Variants in CD163 observed in about 807,000 individuals in gnomAD.
CD163 encodes CD163 molecule, also known as scavenger receptor cysteine-rich type 1 protein M130.
CD163 carries 64 observed loss-of-function variants against 129.2 expected under a neutral mutation model. The observed-to-expected ratio is 0.50, with a 90% CI of 0.41 to 0.61. The LOEUF (loss-of-function observed/expected upper bound fraction) is 0.61, where lower values mean the gene tolerates loss of function less well. Ranked by LOEUF, CD163 falls within the 20% of genes least tolerant of loss-of-function variation. CD163 has a pLI of 0.00. For synonymous variants in CD163, 446 were observed against 478.5 expected (o/e 0.93, Z 0.89); for missense variants, 1,061 against 1,377.9 (o/e 0.77, Z 3.64).
At position 7,498,146 on chromosome 12, in the gene CD163, C is replaced by CACACACACACAG. The variant is rs537347284; in HGVS notation, c.778+721_778+722insCTGTGTGTGTGT. Among the ~76,000 whole-genome samples the CACACACACACAG allele has an allele frequency of 9.2e-3, 1,373 of 148,892 alleles. 20 individuals carry two copies. The highest frequency in any genetic ancestry group is 0.031 in the African/African-American group (1,263 of 40,544). On this transcript the variant is annotated intron_variant, in intron 4 of 16. Coordinates refer to ENST00000432237, the MANE Select transcript of CD163 (RefSeq NM_203416.4). The stretch of plus-strand genomic sequence containing the variant: ...ATTTACACACACACACACACACACA[C>CACACACACACAG]AGAGAGAGAGAGAGAGAGAGAGAAA...
chr12:7,479,618 C>T lies in CD163; in HGVS notation c.*31+242G>A, dbSNP rs914560564. ...AAAGATTAATTTGTATTTGTTTACT[C>T]AGTTTCTCCTTAGCTCCATGGATGT... On this transcript the variant is annotated intron_variant, in intron 16 of 16. Transcript: ENST00000432237. Among the ~76,000 whole-genome samples the T allele has an allele frequency of 8.5e-5, 13 of 152,190 alleles. No individual in the cohort carries two copies. In the South Asian group the frequency reaches 2.5e-3, roughly 29 times the overall value.
Position 7,474,316 on chromosome 12 carries a change from C to A in CD163, c.*32-2919G>T, listed in dbSNP as rs140711625. On this transcript the variant is annotated intron_variant, in intron 16 of 16. Coordinates refer to ENST00000432237, the MANE Select transcript of CD163 (RefSeq NM_203416.4). The stretch of plus-strand genomic sequence containing the variant: ...CACATAGCACTTATTCTAAAATGGA[C>A]CTCATAATTGGAAATAAAACACTCC... Among the ~76,000 whole-genome samples, 51 of 152,210 alleles carry A rather than the reference C, an allele frequency of 3.4e-4. No homozygotes were observed. In the East Asian group the frequency reaches 7.9e-3, roughly 24 times the overall value.
intron 11 of CD163, among the ~76,000 whole-genome samples, 196 bp from the exon 12 acceptor site, chr12:7,483,871 C>T (rs1233487871): frequency 1.4e-4 from 17 of 122,256 alleles, no homozygotes; most frequent in East Asian, 2.5e-4. Context: ...GACAGAGTCT[C>T]GCTCTGTCAC....
chr12:7,503,080 C>T lies in CD163; in HGVS notation c.47-516G>A, dbSNP rs1330787239. On this transcript the variant is annotated intron_variant, in intron 1 of 16. Transcript: ENST00000432237. Reference sequence around the variant, plus strand: ...TGGCTTGATGCTTGCCAAATAGTAGCTAGCAGAACAATACCTAAGTGATGA... The same window carrying T: ...TGGCTTGATGCTTGCCAAATAGTAGTTAGCAGAACAATACCTAAGTGATGA... Among the ~76,000 whole-genome samples the T allele has an allele frequency of 2.6e-5, 4 of 152,122 alleles. 1 individual carries two copies. Among genetic ancestry groups the T allele is most frequent in the African/African-American group, 2.4e-5 (1 of 41,422 alleles).
chr12:7,499,057 A>G lies in CD163; in HGVS notation c.589T>C (p.Cys197Arg). ...NFNIDHASVI[C>R]RQLECGSAVS... ...GCACTTCCACATTCAAGTTGTCTAC[A>G]AATGACAGATGCATGATCTATGTTG... The change falls in exon 4 of 17, where the codon TGT (cysteine) becomes CGT (arginine). Residue 197 changes from cysteine (C) to arginine (R), a missense_variant. Cys to Arg is a radical substitution (Grantham distance 180, BLOSUM62 -3). Coordinates refer to ENST00000432237, the MANE Select transcript of CD163 (RefSeq NM_203416.4). 6.2e-7 allele frequency: 1 copy of G among 1,614,192 alleles called. No homozygotes were observed. The highest frequency in any genetic ancestry group is 8.5e-7 in the Non-Finnish European group (1 of 1,180,026).
In CD163 at chr12:7,498,882, C is replaced by T; in HGVS notation, c.764G>A (p.Gly255Glu). Residue 255 changes from glycine (G) to glutamate (E), a missense_variant, in exon 4 of 17, where the codon GGA becomes GAA. By Grantham distance (98) the Gly-to-Glu change is moderately conservative. Transcript: ENST00000432237. ...TCAGTCCTTACTTGAGCAAATCACT[C>T]CAGCATCCTCAGCATGATCACAGTT... ...KHNCDHAEDA[G>E]VICSKGADLS... 1 of 1,613,710 alleles carries T rather than the reference C, an allele frequency of 6.2e-7. No homozygotes were observed.
intron 4 of CD163, 24 bp downstream of exon 4, chr12:7,498,844 G>T: frequency 6.3e-7 from 1 of 1,598,796 alleles, no homozygotes; most frequent in East Asian, 2.2e-5. Context: ...CTGGAGAATA[G>T]AATGAGCCAA....
chr12:7,490,676 A>G (rs1397089235), intron 6 of CD163, among the ~76,000 whole-genome samples: 1 of 151,994 alleles, frequency 6.6e-6, no homozygotes, highest in Non-Finnish European at 1.5e-5. Flanking sequence ...TTCATCTCTC[A>G]TAAACCTTTC....
intron 6 of CD163, among the ~76,000 whole-genome samples, chr12:7,491,225 C>T (rs1390933649): frequency 6.6e-6 from 1 of 152,070 alleles, no homozygotes; most frequent in African/African-American, 2.4e-5. Context: ...TAAGTATCCT[C>T]TTGTTTTCTT....
rs1397676177 is a variant in CD163 at position 7,483,602 on chromosome 12, C to G, written c.2853G>C (p.Gly951=). The G allele has an allele frequency of 1.9e-6, 3 of 1,613,100 alleles. No individual in the cohort carries two copies. The highest frequency in any genetic ancestry group is 1.3e-5 in the African/African-American group (1 of 74,672). ...AGTCCCAAGAGTCATCACACACTGT[C>G]CCCCAGGAACCTCCATGCCAGATCT... The part of the protein sequence containing the change: ...RVEIWHGGSW[G]TVCDDSWDLD... Residue 951 remains glycine (G), a synonymous_variant, in exon 12 of 17, where the codon GGG becomes GGC. Transcript: ENST00000432237.
At chr12:7,486,863 A>G in intron 9 of CD163, 31 bp downstream of exon 9, 1 of 1,606,624 alleles carries the variant, frequency 6.2e-7, no homozygotes, top group Non-Finnish European at 8.5e-7. Flanking sequence ...CTTGTTATTA[A>G]TATTTTCATA....
chr12:7,490,444 A>G (rs1160619541), intron 6 of CD163, among the ~76,000 whole-genome samples: 1 of 152,058 alleles, frequency 6.6e-6, no homozygotes, highest in Admixed American at 6.5e-5. Context: ...GAAAATACTC[A>G]GAGGCAATAT....
At chr12:7,472,667 C>T (rs763794326) in intron 16 of CD163, among the ~76,000 whole-genome samples, 69 of 152,280 alleles carry the variant, frequency 4.5e-4, no homozygotes, top group Middle Eastern at 3.4e-3. Flanking sequence ...TGGCTCTTCT[C>T]CTTTAATTGA....
In CD163 at chr12:7,487,439, T is replaced by C. The variant is rs976890411; in HGVS notation, c.1970A>G (p.Gln657Arg). ...AGTTACAGGACAATCTCCCATGTGC[T>C]GCTCAGTCCCAGTGCAGTGAAACAT... ...RHMFHCTGTE[Q>R]HMGDCPVTAL... Residue 657 changes from glutamine (Q) to arginine (R), a missense_variant, in exon 8 of 17, where the codon CAG becomes CGG. Physicochemically the swap from Gln to Arg is conservative, Grantham distance 43 (BLOSUM62 1). Coordinates refer to ENST00000432237, the MANE Select transcript of CD163 (RefSeq NM_203416.4). This position sits in a 1 kb window ranked among gnomAD's most constrained non-coding sequence, Gnocchi z 5.1. 3 of 1,613,962 alleles carry C rather than the reference T, an allele frequency of 1.9e-6. No individual in the cohort carries two copies. Among genetic ancestry groups the C allele is most frequent in the Non-Finnish European group, 2.5e-6 (3 of 1,179,972 alleles).
rs754480305 is a variant in CD163 at position 7,475,135 on chromosome 12, T to TCA, written c.*32-3740_*32-3739dup. On this transcript the variant is annotated intron_variant, in intron 16 of 16. Transcript: ENST00000432237. Reference sequence around the variant, plus strand: ...AAAAAAAAACCATGACCAGATGAATTCACAGCCAAATTCTACCAGAGGTAC... The same window carrying TCA: ...AAAAAAAAACCATGACCAGATGAATTCACACAGCCAAATTCTACCAGAGGTAC... Among the ~76,000 whole-genome samples, 325 of 140,638 alleles carry TCA rather than the reference T, an allele frequency of 2.3e-3. 2 individuals carry two copies. Among genetic ancestry groups the TCA allele is most frequent in the African/African-American group, 8.4e-3 (308 of 36,756 alleles). 92.3% of individuals were successfully genotyped at this position (140,638 alleles called of 152,430 possible). A position where few individuals can be genotyped will look rare whatever the true frequency, so the allele number is the denominator to read the frequency against.
rs1949229228 is a variant in CD163 at position 7,485,087 on chromosome 12, G to A, written c.2779+9C>T. On this transcript the variant is annotated intron_variant, in intron 11 of 16. Coordinates refer to ENST00000432237, the MANE Select transcript of CD163 (RefSeq NM_203416.4). This position sits in a 1 kb window ranked among gnomAD's most constrained non-coding sequence, Gnocchi z 4.5. ...AATGGAATTTTCATATAGGTCGATGGATACTCACTGTCACATGTGATCCAG... is the reference window on the plus strand; with the variant it reads ...AATGGAATTTTCATATAGGTCGATGAATACTCACTGTCACATGTGATCCAG... 1 of 1,583,880 alleles carries A rather than the reference G, an allele frequency of 6.3e-7. No individual in the cohort carries two copies. Among genetic ancestry groups the A allele is most frequent in the East Asian group, 2.2e-5 (1 of 44,480 alleles).
chr12:7,489,283 C>A (rs1254121153), intron 6 of CD163, among the ~76,000 whole-genome samples: 1 of 152,136 alleles, frequency 6.6e-6, no homozygotes, highest in Non-Finnish European at 1.5e-5. Flanking sequence ...GATTTGTCAT[C>A]ATCTGTCATG....
intron 16 of CD163, among the ~76,000 whole-genome samples, chr12:7,472,399 C>T (rs1177947860): frequency 6.6e-6 from 1 of 152,232 alleles, no homozygotes; most frequent in Non-Finnish European, 1.5e-5. Context: ...CTTTGCTGTT[C>T]TGCAGCCTTC....
chr12:7,486,474 A>G, intron 10 of CD163, 25 bp downstream of exon 10: 1 of 1,596,958 alleles, frequency 6.3e-7, no homozygotes, highest in Non-Finnish European at 8.6e-7. Context: ...TGTAATTATG[A>G]CCAAAGGTCA....
Sources: allele counts gnomAD v4.1 joint callset (sites outside exome capture counted in the v4.1 genomes callset), GRCh38; gene constraint gnomAD v4.1.1; non-coding constraint Gnocchi (gnomAD v3.1); transcripts MANE v1.5; gene names NCBI Gene and HGNC (gene_info 2026-07-23, HGNC 2026-07-21).